The following PTPRR variants were observed in gnomAD, a reference collection of about 807,000 sequenced individuals.
PTPRR encodes the protein receptor-type tyrosine-protein phosphatase R.
Under a neutral mutation model 77.2 loss-of-function variants are expected in PTPRR, and 38 were observed. The ratio of observed to expected loss-of-function variants is 0.49; its 90% CI spans 0.38 to 0.65. The LOEUF (loss-of-function observed/expected upper bound fraction) is 0.65, where lower values mean the gene tolerates loss of function less well. Ranked by LOEUF, PTPRR falls within the 30% of genes least tolerant of loss-of-function variation. The pLI, the probability that PTPRR is intolerant of heterozygous loss-of-function variation, is 0.00. For synonymous variants in PTPRR, 299 were observed against 283.1 expected, an observed-to-expected ratio of 1.06 and a Z score of -0.57; for missense variants, 744 against 799.2, an observed-to-expected ratio of 0.93 and a Z score of 0.83.
intron 2 of PTPRR, among the ~76,000 whole-genome samples, chr12:70,820,667 T>C (rs1191891413): frequency 6.6e-6 from 1 of 152,184 alleles, no homozygotes; most frequent in African/African-American, 2.4e-5. Context: ...CCTTGGGCTC[T>C]GCCTTTGGCC....
At chr12:70,830,422 G>T (rs549120310) in intron 2 of PTPRR, among the ~76,000 whole-genome samples, 50 of 152,190 alleles carry the variant, frequency 3.3e-4, no homozygotes, top group African/African-American at 1.2e-3. Flanking sequence ...TACATAAAAG[G>T]CAGGGCAAAG....
In PTPRR at chr12:70,649,516, T is replaced by G. The variant is rs6581950; in HGVS notation, c.1880+7188A>C. On this transcript the variant is annotated intron_variant, in intron 13 of 13. Coordinates refer to ENST00000283228, the MANE Select transcript of PTPRR (RefSeq NM_002849.4). ...AAATATCAGCCTTCTGATATACTGG[T>G]TCTGTCTTTTCTCTCTCTTATTACA... is the stretch of plus-strand genomic sequence containing the variant. Among the ~76,000 whole-genome samples, 86 of 152,078 alleles carry G rather than the reference T, an allele frequency of 5.7e-4. 1 individual carries two copies. Among genetic ancestry groups the G allele is most frequent in the African/African-American group, 2.0e-3 (84 of 41,504 alleles).
intron 1 of PTPRR, among the ~76,000 whole-genome samples, chr12:70,897,227 T>TG (rs1289321924): frequency 6.6e-6 from 1 of 151,650 alleles, no homozygotes; most frequent in East Asian, 1.9e-4. Context: ...ACCTACAAAA[T>TG]GGGAGAAAAT....
At chr12:70,728,766 T>G (rs2136874383) in intron 6 of PTPRR, among the ~76,000 whole-genome samples, 1 of 152,064 alleles carries the variant, frequency 6.6e-6, no homozygotes, top group Non-Finnish European at 1.5e-5. Flanking sequence ...ATTAGTTAAC[T>G]TCTTTATCTC....
At chr12:70,877,510 C>T (rs1026887229) in intron 2 of PTPRR, among the ~76,000 whole-genome samples, 13 of 152,110 alleles carry the variant, frequency 8.5e-5, no homozygotes, top group African/African-American at 2.4e-4. Context: ...TGCCCATTCA[C>T]AATTGCTTCA....
rs181314172 is a variant in PTPRR, at chr12:70,715,071, C to T, written c.1008-13748G>A. ...CATTACGATATCAGGGAACCTGCCC[C>T]GATAGTCATGTAGGTTCTTTTCTAT... is the stretch of plus-strand genomic sequence containing the variant. On this transcript the variant is annotated intron_variant, in intron 6 of 13. Coordinates refer to ENST00000283228, the MANE Select transcript of PTPRR (RefSeq NM_002849.4). Among the ~76,000 whole-genome samples, 552 of 152,120 alleles carry T rather than the reference C, an allele frequency of 3.6e-3. 3 individuals carry two copies. The highest frequency in any genetic ancestry group is 5.7e-3 in the Non-Finnish European group (388 of 67,992).
At chr12:70,845,784 G>A (rs1046789097) in intron 2 of PTPRR, among the ~76,000 whole-genome samples, 4 of 152,184 alleles carry the variant, frequency 2.6e-5, no homozygotes, top group East Asian at 1.9e-4. Flanking sequence ...AGGGCAATTC[G>A]CTAAATTGCT....
chr12:70,897,833 G>T lies in PTPRR; in HGVS notation c.59-4856C>A, dbSNP rs200756717. Among the ~76,000 whole-genome samples the T allele has an allele frequency of 4.6e-5, 7 of 151,896 alleles. No individual in the cohort carries two copies. In the South Asian group the frequency reaches 1.0e-3, roughly 23 times the overall value. ...TGGAATACTATGCAGCCATAAAAAA[G>T]GATGAGTTCATGTCCTTTGTAGGGA... On this transcript the variant is annotated intron_variant, in intron 1 of 13. Coordinates refer to ENST00000283228, the MANE Select transcript of PTPRR (RefSeq NM_002849.4).
chr12:70,665,392 T>G (rs1592649506), intron 10 of PTPRR, among the ~76,000 whole-genome samples: 1 of 115,606 alleles, frequency 8.7e-6, no homozygotes, highest in South Asian at 2.9e-4. Context: ...TTTTTTTTTT[T>G]TTTTTTTGTG....
chr12:70,709,126 G>C (rs760855232), intron 6 of PTPRR, among the ~76,000 whole-genome samples: 2 of 151,940 alleles, frequency 1.3e-5, no homozygotes, highest in Non-Finnish European at 2.9e-5. Context: ...CTTACCCACT[G>C]TGATCAAGTA....
At chr12:70,665,826 G>GTTTCTATATATTTAAATATCAGAGATAT (rs1886972798) in intron 10 of PTPRR, among the ~76,000 whole-genome samples, 1 of 150,540 alleles carries the variant, frequency 6.6e-6, no homozygotes. Flanking sequence ...TTTCTTTTTA[G>GTTTCTATATATTTAAATATCAGAGATAT]TTTCTATATA....
At chr12:70,839,546 T>C (rs754747266) in intron 2 of PTPRR, among the ~76,000 whole-genome samples, 2 of 152,208 alleles carry the variant, frequency 1.3e-5, no homozygotes, top group Non-Finnish European at 2.9e-5. Context: ...AGCATTGGTT[T>C]AGTTAATTAA....
At chr12:70,860,921 T>C (rs577825390) in intron 2 of PTPRR, among the ~76,000 whole-genome samples, 5 of 152,240 alleles carry the variant, frequency 3.3e-5, no homozygotes, top group African/African-American at 1.2e-4. Flanking sequence ...CCTTGCTTGT[T>C]TTATTTTTAT....
At chr12:70,796,452 G>GA (rs1381607119) in intron 2 of PTPRR, among the ~76,000 whole-genome samples, 8 of 152,104 alleles carry the variant, frequency 5.3e-5, no homozygotes, top group Non-Finnish European at 1.0e-4. Flanking sequence ...ATAGATATGT[G>GA]ATTTATAAAT....
chr12:70,761,398 C>T, intron 4 of PTPRR, 73 bp downstream of exon 4: 1 of 1,343,198 alleles, frequency 7.4e-7, no homozygotes, highest in Non-Finnish European at 9.9e-7. Flanking sequence ...ATCTCAAAGC[C>T]TCTTGGGGTT....
At chr12:70,748,951 T>G (rs1008089871) in intron 5 of PTPRR, among the ~76,000 whole-genome samples, 1 of 152,166 alleles carries the variant, frequency 6.6e-6, no homozygotes, top group Admixed American at 6.5e-5. Context: ...CCAGAAAAGA[T>G]AAATGTGTAA....
chr12:70,778,142 T>C (rs1401397858), intron 2 of PTPRR, among the ~76,000 whole-genome samples: 1 of 152,224 alleles, frequency 6.6e-6, no homozygotes, highest in Non-Finnish European at 1.5e-5. Flanking sequence ...AATATATTTG[T>C]GGTGCTTTTA....
intron 3 of PTPRR, 81 bp from the exon 4 acceptor site, chr12:70,761,707 A>G: frequency 9.0e-7 from 1 of 1,107,494 alleles, no homozygotes; most frequent in East Asian, 2.6e-5. Flanking sequence ...CTTTAGAAAC[A>G]TTAAAGGAAG....
At chr12:70,906,455 T>C (rs1430344039) in intron 1 of PTPRR, among the ~76,000 whole-genome samples, 1 of 152,108 alleles carries the variant, frequency 6.6e-6, no homozygotes, top group East Asian at 1.9e-4. Flanking sequence ...AAATCTATTA[T>C]TTAGTTGTTC....
Sources: gnomAD v4.1 joint callset for allele counts (sites outside exome capture counted in the v4.1 genomes callset) on GRCh38, gnomAD v4.1.1 for gene constraint, MANE v1.5 for transcripts, NCBI Gene and HGNC (gene_info 2026-07-23, HGNC 2026-07-21) for gene names.